Variants in DCC observed in about 807,000 individuals in gnomAD.
DCC encodes netrin receptor DCC.
Under a neutral mutation model 172.5 loss-of-function variants are expected in DCC, and 58 were observed. The observed-to-expected ratio is 0.34, with a 90% CI of 0.27 to 0.42. The LOEUF (loss-of-function observed/expected upper bound fraction) is 0.42, where lower values mean the gene tolerates loss of function less well. Among genes scored for constraint, DCC ranks in the 10% least tolerant of loss-of-function variants. DCC has a pLI of 1.00. For synonymous variants in DCC, 709 were observed against 644.5 expected, an observed-to-expected ratio of 1.10 and a Z score of -1.52; for missense variants, 1,740 against 1,791.0, an observed-to-expected ratio of 0.97 and a Z score of 0.51.
intron 1 of DCC, among the ~76,000 whole-genome samples, chr18:52,648,390 T>C (rs913276291): frequency 6.6e-6 from 1 of 152,222 alleles, no homozygotes; most frequent in Non-Finnish European, 1.5e-5. Flanking sequence ...GATAAGACTG[T>C]TCTTTCTGCC....
chr18:52,666,571 C>T (rs1367485636), intron 1 of DCC, among the ~76,000 whole-genome samples: 2 of 152,146 alleles, frequency 1.3e-5, no homozygotes, highest in African/African-American at 2.4e-5. Flanking sequence ...ATTCGTGTTT[C>T]TGCCAATCAA....
chr18:52,423,680 GTAA>G (rs1286101006), intron 1 of DCC, among the ~76,000 whole-genome samples: 1 of 152,232 alleles, frequency 6.6e-6, no homozygotes, highest in East Asian at 1.9e-4. Context: ...TCAAACTTCT[GTAA>G]TCTATCCTCA....
At chr18:52,782,038 C>T (rs1216056815) in intron 2 of DCC, among the ~76,000 whole-genome samples, 1 of 152,022 alleles carries the variant, frequency 6.6e-6, no homozygotes, top group Non-Finnish European at 1.5e-5. Context: ...ATAAAAAGGA[C>T]CATTTTCCCA....
intron 5 of DCC, among the ~76,000 whole-genome samples, chr18:53,000,576 G>A (rs1035963428): frequency 1.1e-4 from 15 of 140,854 alleles, no homozygotes; most frequent in South Asian, 4.6e-4. Context: ...TAGGATATCA[G>A]CTTACATTCT....
intron 7 of DCC, among the ~76,000 whole-genome samples, chr18:53,072,763 G>A (rs2042672934): frequency 6.6e-6 from 1 of 152,074 alleles, no homozygotes; most frequent in South Asian, 2.1e-4. Flanking sequence ...CAAGATATAG[G>A]GTCTATGTCT....
chr18:53,410,739 C>G (rs1909930937), intron 20 of DCC, 93 bp downstream of exon 20: 1 of 801,382 alleles, frequency 1.2e-6, no homozygotes, highest in Admixed American at 1.8e-5. Context: ...TGCACCATCT[C>G]TATTAGCAAC....
At chr18:53,411,107 G>A (rs1447918257) in intron 20 of DCC, among the ~76,000 whole-genome samples, 1 of 145,836 alleles carries the variant, frequency 6.9e-6, no homozygotes, top group Non-Finnish European at 1.5e-5. Flanking sequence ...TCTATTTATT[G>A]TAAAGAACCA....
At chr18:52,578,240 C>A (rs1598927436) in intron 1 of DCC, among the ~76,000 whole-genome samples, 1 of 152,124 alleles carries the variant, frequency 6.6e-6, no homozygotes, top group African/African-American at 2.4e-5. Flanking sequence ...TTGTTTTATG[C>A]TTATTGAGAG....
At chr18:53,078,812 C>A (rs72917325) in intron 7 of DCC, among the ~76,000 whole-genome samples, 23,350 of 151,980 alleles carry the variant, frequency 0.15, 2,231 homozygotes, top group African/African-American at 0.26. Context: ...TCTAGATGAT[C>A]GTCTATGATG....
At chr18:53,266,239 C>G (rs900277202) in intron 12 of DCC, among the ~76,000 whole-genome samples, 3 of 152,178 alleles carry the variant, frequency 2.0e-5, no homozygotes, top group Non-Finnish European at 4.4e-5. Context: ...ACACTGTTAT[C>G]TTGCTGTGCT....
intron 2 of DCC, among the ~76,000 whole-genome samples, chr18:52,837,142 G>T (rs1425899026): frequency 6.6e-6 from 1 of 152,230 alleles, no homozygotes; most frequent in African/African-American, 2.4e-5. Context: ...CACAGCAGGA[G>T]GGGCTCTGGG....
At chr18:53,175,940 A>G (rs1043991147) in intron 8 of DCC, among the ~76,000 whole-genome samples, 4 of 152,316 alleles carry the variant, frequency 2.6e-5, no homozygotes, top group African/African-American at 9.6e-5. Context: ...CCACAAGGCT[A>G]CAGTAACCAA....
At chr18:52,878,366 A>G (rs549383844) in intron 2 of DCC, among the ~76,000 whole-genome samples, 5 of 152,314 alleles carry the variant, frequency 3.3e-5, no homozygotes, top group Non-Finnish European at 7.4e-5. Context: ...TCCCTTGGAT[A>G]AGAAACAGTT....
Position 52,802,643 on chromosome 18 carries a change from CTTTTTTTTTTTTTTTTTT to C in DCC, c.412+50292_412+50309del, listed in dbSNP as rs776080029. Among the ~76,000 whole-genome samples the C allele has an allele frequency of 7.1e-3, 273 of 38,190 alleles. 4 individuals carry two copies. The highest frequency in any genetic ancestry group is 0.023 in the African/African-American group (252 of 10,870). The allele number at this position is 38,190 out of a possible 152,430, so 25.1% of individuals were successfully genotyped here. On this transcript the variant is annotated intron_variant, in intron 2 of 28. Coordinates refer to ENST00000442544, the MANE Select transcript of DCC (RefSeq NM_005215.4). Reference sequence around the variant, plus strand: ...ACAGGTACACATCACCACGCCAAGCCTTTTTTTTTTTTTTTTTTTTTTTTTTTTTTTTTTTTTTTTAAT... The same window carrying C: ...ACAGGTACACATCACCACGCCAAGCCTTTTTTTTTTTTTTTTTTTTTTAAT...
chr18:53,025,422 C>T (rs892236271), intron 5 of DCC, among the ~76,000 whole-genome samples: 5 of 151,974 alleles, frequency 3.3e-5, no homozygotes, highest in African/African-American at 1.2e-4. Flanking sequence ...GGATTGTTTG[C>T]CTTAGGGTTT....
At chr18:53,163,106 T>C (rs1451585488) in intron 8 of DCC, among the ~76,000 whole-genome samples, 1 of 152,228 alleles carries the variant, frequency 6.6e-6, no homozygotes, top group African/African-American at 2.4e-5. Flanking sequence ...AAGTTTGATG[T>C]TTGGCTGAGT....
chr18:53,462,805 G>A (rs2036415), intron 24 of DCC, among the ~76,000 whole-genome samples: 4 of 151,772 alleles, frequency 2.6e-5, no homozygotes, highest in Non-Finnish European at 4.4e-5. Flanking sequence ...TTCCTCTTCC[G>A]TCATGAGGCC....
intron 2 of DCC, among the ~76,000 whole-genome samples, chr18:52,791,748 G>T (rs914367568): frequency 2.6e-5 from 4 of 152,112 alleles, no homozygotes; most frequent in African/African-American, 7.2e-5. Context: ...GAAGTGTGCT[G>T]ATTTGAGCTC....
At chr18:53,435,326 C>T in intron 22 of DCC, 117 bp downstream of exon 22, 1 of 700,892 alleles carries the variant, frequency 1.4e-6, no homozygotes, top group Non-Finnish European at 2.5e-6. Flanking sequence ...GATTTAGTGT[C>T]TTAGTGGGAT....
Sources: allele counts gnomAD v4.1 joint callset (sites outside exome capture counted in the v4.1 genomes callset), GRCh38; gene constraint gnomAD v4.1.1; transcripts MANE v1.5; gene names NCBI Gene and HGNC (gene_info 2026-07-23, HGNC 2026-07-21).